Variants in SESN3 observed in about 807,000 individuals in gnomAD.
SESN3 encodes the protein sestrin 3.
Under a neutral mutation model 55.3 loss-of-function variants are expected in SESN3, and 21 were observed. The observed-to-expected ratio is 0.38, with a 90% confidence interval of 0.27 to 0.55. The LOEUF is 0.55. Ranked by LOEUF, SESN3 falls within the 20% of genes least tolerant of loss-of-function variation. SESN3 has a pLI of 0.76. For missense variants in SESN3, 408 were observed against 604.3 expected (o/e 0.68, Z 3.41); for synonymous variants, 181 against 203.1 (o/e 0.89, Z 0.93).
chr11:95,212,387 CT>C (rs1186423094), intron 1 of SESN3, among the ~76,000 whole-genome samples: 5 of 151,916 alleles, frequency 3.3e-5, no homozygotes, highest in African/African-American at 4.8e-5. Context: ...CTCCATACAC[CT>C]TTTTTAAGTC....
rs1859825260 is a variant in SESN3, at chr11:95,170,265, T to C, written c.*2990A>G. 1 of 152,202 alleles carries C rather than the reference T, an allele frequency of 6.6e-6. No individual in the cohort carries two copies. The highest frequency in any genetic ancestry group is 2.4e-5 in the African/African-American group (1 of 41,456). 9.4% of individuals were successfully genotyped at this position (152,202 alleles called of 1,614,324 possible). Reference sequence around the variant, plus strand: ...ATTTTCAGGTGGGAGAGTATCTCAATATTTCTTAAGGTGATCTGAGAAATT... The same window carrying C: ...ATTTTCAGGTGGGAGAGTATCTCAACATTTCTTAAGGTGATCTGAGAAATT... On this transcript the variant is annotated 3_prime_UTR_variant, in exon 10 of 10. Transcript: ENST00000536441.
At position 95,191,474 on chromosome 11, in the gene SESN3, C is replaced by T. The variant is rs754657751; in HGVS notation, c.272G>A (p.Arg91Gln). 9 of 1,612,836 alleles carry T rather than the reference C, an allele frequency of 5.6e-6. No individual in the cohort carries two copies. The highest frequency in any genetic ancestry group is 3.3e-5 in the South Asian group (3 of 91,070). The change falls in exon 3 of 10, where the codon CGG becomes CAG. Residue 91 changes from arginine to glutamine, a missense_variant. Physicochemically the swap from Arg to Gln is conservative, Grantham distance 43 (BLOSUM62 1). Coordinates refer to ENST00000536441, the MANE Select transcript of SESN3 (RefSeq NM_144665.4). Reference sequence around the variant, plus strand: ...CATGCGCAACATGTAAAACTGGCTCCGCAAGAAAGACTCCAGGTACTGAGT... The same window carrying T: ...CATGCGCAACATGTAAAACTGGCTCTGCAAGAAAGACTCCAGGTACTGAGT... ...LHTQYLESFL[R>Q]SQFYMLRMDG... is the part of the protein sequence containing the mutation.
chr11:95,224,842 T>G (rs1221022052), intron 1 of SESN3, among the ~76,000 whole-genome samples: 1 of 152,196 alleles, frequency 6.6e-6, no homozygotes, highest in African/African-American at 2.4e-5. Flanking sequence ...AACCAAAGTT[T>G]GTCTGACAGG....
chr11:95,202,265 A>G (rs1408433921), intron 1 of SESN3, among the ~76,000 whole-genome samples: 1 of 152,068 alleles, frequency 6.6e-6, no homozygotes, highest in Non-Finnish European at 1.5e-5. Context: ...TTTGAATTGA[A>G]TTAAGGAGAT....
chr11:95,183,796 A>C (rs1291990118), intron 6 of SESN3, among the ~76,000 whole-genome samples: 1 of 151,598 alleles, frequency 6.6e-6, no homozygotes, highest in East Asian at 1.9e-4. Flanking sequence ...ATATCTTTTT[A>C]GTTGTAATTG....
intron 5 of SESN3, 144 bp downstream of exon 5, chr11:95,185,112 C>A: frequency 1.8e-6 from 1 of 569,076 alleles, no homozygotes; most frequent in African/African-American, 1.9e-5. Flanking sequence ...CTTCAGGTAC[C>A]AAATTTTTAC....
chr11:95,183,715 ATTACTT>A (rs1410471692), intron 6 of SESN3, among the ~76,000 whole-genome samples: 1 of 151,412 alleles, frequency 6.6e-6, no homozygotes, highest in Non-Finnish European at 1.5e-5. Flanking sequence ...ATGCACATAG[ATTACTT>A]TTAAAGAGTT....
chr11:95,225,844 C>A (rs1860937689), intron 1 of SESN3, among the ~76,000 whole-genome samples: 1 of 152,078 alleles, frequency 6.6e-6, no homozygotes, highest in Non-Finnish European at 1.5e-5. Flanking sequence ...TTTACCACCC[C>A]CCCTTTTATT....
chr11:95,185,492 T>C lies in SESN3; in HGVS notation c.526A>G (p.Lys176Glu). The change falls in exon 5 of 10, where the codon AAA (lysine) becomes GAA (glutamate). Residue 176 changes from lysine to glutamate, a missense_variant and splice_region_variant. Lys to Glu is a moderately conservative substitution (Grantham distance 56). This residue lies in a region of SESN3 where 107 missense variants were observed against 211.3 expected (regional missense o/e 0.51). Transcript: ENST00000536441. ...PWLITKEHIQ[K>E]LVKTGENNWS... ...TTATTTTCTCCAGTTTTGACAAGTT[T>C]CTGAAATAAGAAAGCAAATCAGAGC... 1 of 1,597,160 alleles carries C rather than the reference T, an allele frequency of 6.3e-7. No homozygotes were observed. Among genetic ancestry groups the C allele is most frequent in the South Asian group, 1.1e-5 (1 of 90,352 alleles).
intron 1 of SESN3, among the ~76,000 whole-genome samples, chr11:95,198,819 A>G (rs1860410633): frequency 6.6e-6 from 1 of 152,196 alleles, no homozygotes; most frequent in African/African-American, 2.4e-5. Context: ...ACCATTGCCA[A>G]AAGTTCTATG....
At chr11:95,189,163 A>G (rs1860219227) in intron 4 of SESN3, among the ~76,000 whole-genome samples, 1 of 151,936 alleles carries the variant, frequency 6.6e-6, no homozygotes, top group Non-Finnish European at 1.5e-5. Flanking sequence ...ACGTGCCAAG[A>G]ATAGTGCTAA....
At position 95,190,273 on chromosome 11, in the gene SESN3, A is replaced by T. The variant is rs562131534; in HGVS notation, c.343-312T>A. ...AGGTCCATTTCAATATGACAAATAT[A>T]CCTATTACATTCTACTTAAAACATA... On this transcript the variant is annotated intron_variant, in intron 3 of 9. Coordinates refer to ENST00000536441, the MANE Select transcript of SESN3 (RefSeq NM_144665.4). Among the ~76,000 whole-genome samples the T allele has an allele frequency of 2.0e-5, 3 of 152,108 alleles. No homozygotes were observed. The East Asian group carries it at 5.8e-4, about 29-fold the overall frequency.
chr11:95,193,841 T>A (rs1393074212), intron 1 of SESN3, among the ~76,000 whole-genome samples: 1 of 152,112 alleles, frequency 6.6e-6, no homozygotes, highest in Non-Finnish European at 1.5e-5. Flanking sequence ...AATAAAATAG[T>A]GTTTTATAGT....
intron 1 of SESN3, among the ~76,000 whole-genome samples, chr11:95,215,971 G>A (rs1860746893): frequency 1.3e-5 from 2 of 151,714 alleles, no homozygotes; most frequent in South Asian, 2.1e-4. Context: ...GGTGGTGGGC[G>A]CCTGTAGTCC....
chr11:95,179,016 C>A (rs1041809701), intron 6 of SESN3, among the ~76,000 whole-genome samples, 188 bp from the exon 7 acceptor site: 2 of 152,144 alleles, frequency 1.3e-5, no homozygotes, highest in African/African-American at 4.8e-5. Context: ...CAAATACTGG[C>A]AATCTTACCA....
intron 1 of SESN3, among the ~76,000 whole-genome samples, chr11:95,203,437 T>A (rs1391274267): frequency 6.6e-6 from 1 of 152,184 alleles, no homozygotes; most frequent in Non-Finnish European, 1.5e-5. Flanking sequence ...CACAACTGTG[T>A]AAATTCAAGT....
intron 1 of SESN3, among the ~76,000 whole-genome samples, chr11:95,194,289 C>T (rs1324961930): frequency 6.6e-6 from 1 of 152,040 alleles, no homozygotes; most frequent in African/African-American, 2.4e-5. Context: ...TACTAGGTAA[C>T]CTGAGTCTTT....
intron 9 of SESN3, among the ~76,000 whole-genome samples, chr11:95,173,593 G>C (rs1047093159): frequency 1.3e-5 from 2 of 151,898 alleles, no homozygotes; most frequent in African/African-American, 2.4e-5. Flanking sequence ...AAGTCAATCT[G>C]TTGGGTTATA....
chr11:95,224,691 C>T (rs1194541210), intron 1 of SESN3, among the ~76,000 whole-genome samples: 1 of 152,128 alleles, frequency 6.6e-6, no homozygotes, highest in Non-Finnish European at 1.5e-5. Context: ...GTGACAGATA[C>T]ATATTTTCAA....
Sources: allele counts gnomAD v4.1 joint callset (sites outside exome capture counted in the v4.1 genomes callset), GRCh38; gene constraint gnomAD v4.1.1; regional missense constraint gnomAD v4.1.1; transcripts MANE v1.5; gene names NCBI Gene and HGNC (gene_info 2026-07-23, HGNC 2026-07-21).